Variants in HIVEP3 observed in about 807,000 individuals in gnomAD.
HIVEP3 encodes the protein transcription factor HIVEP3.
In HIVEP3, 49 loss-of-function variants were observed where a neutral mutation model predicts 152.8. The ratio of observed to expected loss-of-function variants is 0.32; its 90% CI spans 0.26 to 0.41. The LOEUF (loss-of-function observed/expected upper bound fraction) is 0.41, where lower values mean the gene tolerates loss of function less well. HIVEP3 is among the 10% of genes least tolerant of loss of function. The pLI is 1.00. For missense variants in HIVEP3, 2,790 were observed against 3,103.3 expected (o/e 0.90, Z 2.40); for synonymous variants, 1,269 against 1,289.0 (o/e 0.98, Z 0.33).
At chr1:41,688,768 T>A (rs1487045538) in intron 2 of HIVEP3, among the ~76,000 whole-genome samples, 1 of 151,642 alleles carries the variant, frequency 6.6e-6, no homozygotes, top group East Asian at 1.9e-4. Flanking sequence ...TTCTGCCTCC[T>A]CCTCGGCACC....
intron 1 of HIVEP3, among the ~76,000 whole-genome samples, chr1:41,727,976 C>T (rs1012908870): frequency 3.3e-5 from 5 of 152,194 alleles, no homozygotes; most frequent in Non-Finnish European, 5.9e-5. Flanking sequence ...GTGCACACAG[C>T]GGCAGGGTGC....
rs528981979 is a variant in HIVEP3 at position 41,840,047 on chromosome 1, C to A, written c.-801+78366G>T. Reference sequence around the variant, plus strand: ...TATCCCATCATCTCAGGAAGATCGACTGCACAGTGCTGCCTAAACTGTTTG... The same window carrying A: ...TATCCCATCATCTCAGGAAGATCGAATGCACAGTGCTGCCTAAACTGTTTG... On this transcript the variant is annotated intron_variant, in intron 1 of 8. Transcript: ENST00000372583. Among the ~76,000 whole-genome samples the A allele has an allele frequency of 3.3e-5, 5 of 152,298 alleles. No individual in the cohort carries two copies. In the South Asian group the frequency reaches 1.0e-3, roughly 32 times the overall value.
chr1:41,582,557 C>T lies in HIVEP3; in HGVS notation c.2241G>A (p.Arg747=), dbSNP rs140463263. ...FGSPGPSDAA[R]NLPLESTKSP... ...ACTTGGTGGACTCCAGGGGAAGGTT[C>T]CGAGCAGCATCAGATGGCCCGGGGC... The change falls in exon 4 of 9, where the codon CGG becomes CGA. Residue 747 remains arginine, a synonymous_variant. Coordinates refer to ENST00000372583, the MANE Select transcript of HIVEP3 (RefSeq NM_024503.5). The surrounding 1 kb of genome is among the most constrained non-coding windows in gnomAD (Gnocchi z 4.7). 9 of 1,611,602 alleles carry T rather than the reference C, an allele frequency of 5.6e-6. No homozygotes were observed. The African/African-American group carries it at 1.1e-4, about 19-fold the overall frequency.
intron 1 of HIVEP3, among the ~76,000 whole-genome samples, chr1:41,870,505 A>G (rs1456198218): frequency 6.6e-6 from 1 of 152,224 alleles, no homozygotes; most frequent in Non-Finnish European, 1.5e-5. Flanking sequence ...GCAACATGGT[A>G]GGCATCCTGT....
At chr1:41,600,155 T>C (rs1246707269) in intron 3 of HIVEP3, among the ~76,000 whole-genome samples, 1 of 152,224 alleles carries the variant, frequency 6.6e-6, no homozygotes, top group African/African-American at 2.4e-5. Context: ...GAAAACACTG[T>C]GGTAGTTCCT....
At chr1:41,699,492 G>A (rs1220223580) in intron 2 of HIVEP3, among the ~76,000 whole-genome samples, 1 of 152,212 alleles carries the variant, frequency 6.6e-6, no homozygotes, top group Non-Finnish European at 1.5e-5. Flanking sequence ...AGGCTTCAGG[G>A]GCCTTGGGAA....
chr1:41,623,117 T>C (rs1645068925), intron 3 of HIVEP3, among the ~76,000 whole-genome samples: 1 of 152,198 alleles, frequency 6.6e-6, no homozygotes, highest in Non-Finnish European at 1.5e-5. Flanking sequence ...CAAGCATGTT[T>C]TTGGCAACAG....
intron 7 of HIVEP3, among the ~76,000 whole-genome samples, chr1:41,517,833 T>C (rs147811121): frequency 4.5e-3 from 682 of 152,204 alleles, no homozygotes; most frequent in Non-Finnish European, 6.9e-3. Context: ...TGTACGGGGA[T>C]GGGGCTGGGA....
rs527399385 is a variant in HIVEP3 at position 41,536,057 on chromosome 1, C to T, written c.5208-11147G>A. Among the ~76,000 whole-genome samples the T allele has an allele frequency of 2.6e-4, 40 of 152,204 alleles. No homozygotes were observed. The South Asian group carries it at 6.9e-3, about 26-fold the overall frequency. On this transcript the variant is annotated intron_variant, in intron 5 of 8. Transcript: ENST00000372583. The stretch of plus-strand genomic sequence containing the variant: ...CACAGAGCCCCCAAAGGACGTGACA[C>T]GTTCCTCTGCTCAAGATGTCAAAGA...
intron 1 of HIVEP3, among the ~76,000 whole-genome samples, chr1:41,989,073 G>C (rs1645341272): frequency 6.6e-6 from 1 of 152,138 alleles, no homozygotes; most frequent in South Asian, 2.1e-4. Context: ...TGGGGGATGG[G>C]TTGGAGAGAT....
At chr1:41,551,272 G>A (rs558707282) in intron 5 of HIVEP3, among the ~76,000 whole-genome samples, 1 of 152,266 alleles carries the variant, frequency 6.6e-6, no homozygotes. Flanking sequence ...GCTGGATTCA[G>A]TTTGCCAGTA....
At chr1:41,676,461 A>G (rs1271839499) in intron 2 of HIVEP3, among the ~76,000 whole-genome samples, 1 of 152,186 alleles carries the variant, frequency 6.6e-6, no homozygotes, top group Non-Finnish European at 1.5e-5. Context: ...ACTCCAGCCC[A>G]ATGTCTCAGA....
At chr1:42,016,173 A>G (rs1645521504) in intron 1 of HIVEP3, among the ~76,000 whole-genome samples, 1 of 152,240 alleles carries the variant, frequency 6.6e-6, no homozygotes, top group Non-Finnish European at 1.5e-5. Context: ...GCAAACGTAC[A>G]GAAAAAGGTC....
At chr1:41,736,418 C>T (rs1196272602) in intron 1 of HIVEP3, among the ~76,000 whole-genome samples, 1 of 152,186 alleles carries the variant, frequency 6.6e-6, no homozygotes, top group Non-Finnish European at 1.5e-5. Context: ...GGTCCTGGGG[C>T]CCTGACAAGG....
At chr1:42,011,795 T>C (rs985740529) in intron 1 of HIVEP3, among the ~76,000 whole-genome samples, 7 of 152,234 alleles carry the variant, frequency 4.6e-5, no homozygotes, top group African/African-American at 1.7e-4. Flanking sequence ...TCTTCCTCCA[T>C]CTGCCTCTTT....
chr1:41,747,572 G>A (rs180743230), intron 1 of HIVEP3, among the ~76,000 whole-genome samples: 10 of 152,360 alleles, frequency 6.6e-5, no homozygotes, highest in African/African-American at 1.9e-4. Context: ...CCATTCACAT[G>A]TGAGTGTCCT....
chr1:41,806,018 T>C (rs950760710), intron 1 of HIVEP3, among the ~76,000 whole-genome samples: 31 of 152,100 alleles, frequency 2.0e-4, no homozygotes, highest in African/African-American at 7.2e-4. Flanking sequence ...GTTGAGTAAA[T>C]CACAATGGTA....
At chr1:41,576,558 C>T (rs1192120808) in intron 4 of HIVEP3, among the ~76,000 whole-genome samples, 4 of 152,204 alleles carry the variant, frequency 2.6e-5, no homozygotes, top group Non-Finnish European at 5.9e-5. Flanking sequence ...CTACTTCATG[C>T]CACTGTCATT....
intron 7 of HIVEP3, among the ~76,000 whole-genome samples, chr1:41,514,882 G>C (rs1030010543): frequency 6.6e-6 from 1 of 152,236 alleles, no homozygotes; most frequent in South Asian, 2.1e-4. Flanking sequence ...AAAAGTGGGG[G>C]TTAGGGCTCT....
Sources: gnomAD v4.1 joint callset for allele counts (sites outside exome capture counted in the v4.1 genomes callset) on GRCh38, gnomAD v4.1.1 for gene constraint, Gnocchi (gnomAD v3.1) non-coding constraint, MANE v1.5 for transcripts, NCBI Gene and HGNC (gene_info 2026-07-23, HGNC 2026-07-21) for gene names.